Variants in RANBP2 observed in about 807,000 individuals in gnomAD.
RANBP2 encodes the protein E3 SUMO-protein ligase RanBP2.
A neutral mutation model predicts 303.6 loss-of-function variants in RANBP2; 57 were observed. The ratio of observed to expected loss-of-function variants is 0.19; its 90% CI spans 0.15 to 0.23. The LOEUF (loss-of-function observed/expected upper bound fraction) is 0.23. Ranked by LOEUF, RANBP2 falls within the 10% of genes least tolerant of loss-of-function variation. The pLI, the probability that RANBP2 is intolerant of heterozygous loss-of-function variation, is 1.00. For synonymous variants in RANBP2, 1,167 were observed against 1,301.5 expected, an observed-to-expected ratio of 0.90 and a Z score of 2.23; for missense variants, 3,138 against 3,780.8, an observed-to-expected ratio of 0.83 and a Z score of 4.46.
chr2:108,979,467 TCA>T, the RANBP2 span, among the ~76,000 whole-genome samples: 676 of 147,190 alleles, frequency 4.6e-3, 3 homozygotes, highest in East Asian at 0.015. Flanking sequence ...TCTCTCTCTC[TCA>T]CACACACACA....
At chr2:109,053,210 C>T in the RANBP2 span, among the ~76,000 whole-genome samples, 2 of 152,210 alleles carry the variant, frequency 1.3e-5, no homozygotes, top group Non-Finnish European at 2.9e-5. Flanking sequence ...ATCTGCACTT[C>T]CAAGGTTTGT....
the RANBP2 span, among the ~76,000 whole-genome samples, chr2:109,488,875 A>C: frequency 1.1e-4 from 16 of 152,184 alleles, no homozygotes; most frequent in African/African-American, 3.4e-4. Context: ...CAGAGGGGAG[A>C]TAGGCCGGGA....
At chr2:109,078,187 A>G in the RANBP2 span, among the ~76,000 whole-genome samples, 2 of 42,802 alleles carry the variant, frequency 4.7e-5, no homozygotes, top group Non-Finnish European at 1.1e-4. Context: ...TATATAGCAT[A>G]TATATATAGC....
the RANBP2 span, among the ~76,000 whole-genome samples, chr2:109,012,655 C>T: frequency 6.6e-6 from 1 of 152,218 alleles, no homozygotes; most frequent in Non-Finnish European, 1.5e-5. Flanking sequence ...TGGCTCACGC[C>T]TGTAATCCCA....
the RANBP2 span, among the ~76,000 whole-genome samples, chr2:109,183,026 C>T: frequency 2.0e-4 from 31 of 152,302 alleles, no homozygotes; most frequent in African/African-American, 6.0e-4. Context: ...ATGACTGTGT[C>T]GTGAGATGTA....
At chr2:109,120,741 G>A in the RANBP2 span, among the ~76,000 whole-genome samples, 1 of 147,452 alleles carries the variant, frequency 6.8e-6, no homozygotes, top group Admixed American at 6.8e-5. Flanking sequence ...ACTCACCACC[G>A]CTCAGCTTTG....
chr2:109,678,341 A>G, the RANBP2 span, among the ~76,000 whole-genome samples: 1 of 152,250 alleles, frequency 6.6e-6, no homozygotes, highest in South Asian at 2.1e-4. Context: ...AGGATTGCCA[A>G]GAGTTCACAG....
At chr2:108,769,828 G>A (rs1677373233) in intron 20 of RANBP2, among the ~76,000 whole-genome samples, 1 of 151,656 alleles carries the variant, frequency 6.6e-6, no homozygotes, top group Non-Finnish European at 1.5e-5. Context: ...CTACTAGAGT[G>A]GAACAAGAAG....
chr2:108,730,475 G>A (rs546881750), intron 2 of RANBP2, among the ~76,000 whole-genome samples: 3 of 152,162 alleles, frequency 2.0e-5, no homozygotes, highest in Admixed American at 6.5e-5. Context: ...TTATTAAAAT[G>A]TGATCAGGAA....
At chr2:109,168,558 C>T in the RANBP2 span, among the ~76,000 whole-genome samples, 1 of 152,212 alleles carries the variant, frequency 6.6e-6, no homozygotes, top group East Asian at 1.9e-4. Flanking sequence ...TAGTCTCTTC[C>T]TACTTCTAAT....
the RANBP2 span, among the ~76,000 whole-genome samples, chr2:109,637,245 G>GC: frequency 1.3e-5 from 2 of 152,108 alleles, no homozygotes; most frequent in Non-Finnish European, 2.9e-5. Context: ...AACATGTCTC[G>GC]CCTCCCACCA....
chr2:109,257,665 T>C, the RANBP2 span, among the ~76,000 whole-genome samples: 1 of 152,142 alleles, frequency 6.6e-6, no homozygotes, highest in African/African-American at 2.4e-5. Flanking sequence ...TGGTTTGCGC[T>C]TCAGGGAAGC....
chr2:108,909,603 G>A, the RANBP2 span, among the ~76,000 whole-genome samples: 1 of 152,216 alleles, frequency 6.6e-6, no homozygotes, highest in Non-Finnish European at 1.5e-5. Flanking sequence ...AGTGGCTGTC[G>A]GGCAGAGGCC....
At chr2:108,930,148 G>A in the RANBP2 span, 103 of 1,613,888 alleles carry the variant, frequency 6.4e-5, no homozygotes, top group Middle Eastern at 5.0e-4. Context: ...CGGCCCACAC[G>A]GGGGGCACTC....
At chr2:109,514,004 C>T in the RANBP2 span, among the ~76,000 whole-genome samples, 106 of 152,300 alleles carry the variant, frequency 7.0e-4, 1 homozygote, top group African/African-American at 2.5e-3. Context: ...AGTGAGTCTG[C>T]GGCTCCATGT....
the RANBP2 span, among the ~76,000 whole-genome samples, chr2:109,054,473 G>A: frequency 3.9e-5 from 6 of 152,044 alleles, no homozygotes; most frequent in Admixed American, 6.5e-5. Context: ...TTGGGAGGCC[G>A]AGGTGGGCAG....
At chr2:109,055,227 C>T in the RANBP2 span, among the ~76,000 whole-genome samples, 1 of 152,056 alleles carries the variant, frequency 6.6e-6, no homozygotes, top group African/African-American at 2.4e-5. Flanking sequence ...ATCTTGTGCC[C>T]CTTTTAAAGA....
Position 108,764,615 on chromosome 2 carries a change from A to G in RANBP2, c.4076A>G (p.Asn1359Ser). ...AKKEGSWWHC[N>S]SCSLKNASTA... Reference sequence around the variant, plus strand: ...AAAGAAGGGTCTTGGTGGCATTGTAACAGCTGCTCATTAAAGAATGCTTCA... The same window carrying G: ...AAAGAAGGGTCTTGGTGGCATTGTAGCAGCTGCTCATTAAAGAATGCTTCA... The change falls in exon 20 of 29, where the codon AAC (asparagine) becomes AGC (serine). Residue 1359 changes from asparagine to serine, a missense_variant. Physicochemically the swap from Asn to Ser is conservative, Grantham distance 46 (BLOSUM62 1). Around this residue, in one of 20 missense-constraint regions of RANBP2, gnomAD observed 388 missense variants for 328.5 expected, o/e 1.18. Transcript: ENST00000283195. 1 of 1,614,074 alleles carries G rather than the reference A, an allele frequency of 6.2e-7. No homozygotes were observed. The highest frequency in any genetic ancestry group is 8.5e-7 in the Non-Finnish European group (1 of 1,179,972).
chr2:109,397,823 T>C, the RANBP2 span, among the ~76,000 whole-genome samples: 2 of 152,208 alleles, frequency 1.3e-5, no homozygotes, highest in African/African-American at 4.8e-5. Context: ...CTCATGGACT[T>C]GAACCTTCAT....
Sources: gnomAD v4.1 joint callset for allele counts (sites outside exome capture counted in the v4.1 genomes callset) on GRCh38, gnomAD v4.1.1 for gene constraint, gnomAD v4.1.1 regional missense constraint, MANE v1.5 for transcripts, NCBI Gene and HGNC (gene_info 2026-07-23, HGNC 2026-07-21) for gene names.